The following NUMA1 variants were observed in gnomAD, a reference collection of about 807,000 sequenced individuals.
The protein encoded by NUMA1 is nuclear mitotic apparatus protein 1.
NUMA1 carries 62 observed loss-of-function variants against 237.1 expected under a neutral mutation model. The ratio of observed to expected loss-of-function variants is 0.26; its 90% CI spans 0.21 to 0.32. The LOEUF is 0.32. Among genes scored for constraint, NUMA1 ranks in the 10% least tolerant of loss-of-function variants. NUMA1 has a pLI of 1.00. For missense variants in NUMA1, 2,533 were observed against 2,666.5 expected (o/e 0.95, Z 1.10); for synonymous variants, 1,028 against 1,066.1 (o/e 0.96, Z 0.70).
At chr11:72,077,333 C>A (rs1943755808) in intron 1 of NUMA1, among the ~76,000 whole-genome samples, 1 of 152,104 alleles carries the variant, frequency 6.6e-6, no homozygotes, top group South Asian at 2.1e-4. Flanking sequence ...GTACAGAACA[C>A]AAATGACAGC....
Position 72,005,217 on chromosome 11 carries a change from T to A in NUMA1, c.5829+16A>T, listed in dbSNP as rs555257995. ...GGCAGGGATGGGAGGCCCTGCACAG[T>A]GACCCCAGGCCTCACCCTGGACTCC... is the stretch of plus-strand genomic sequence containing the variant. On this transcript the variant is annotated intron_variant, in intron 23 of 26. Transcript: ENST00000393695. 6.4e-7 allele frequency: 1 copy of A among 1,574,518 alleles called. No homozygotes were observed. Among genetic ancestry groups the A allele is most frequent in the Non-Finnish European group, 8.6e-7 (1 of 1,163,042 alleles).
intron 3 of NUMA1, among the ~76,000 whole-genome samples, chr11:72,032,886 C>T (rs1009233313): frequency 1.3e-5 from 2 of 152,112 alleles, no homozygotes; most frequent in South Asian, 2.1e-4. Flanking sequence ...TTATAAATTA[C>T]TGAAAATTCA....
chr11:72,079,166 A>T (rs529387822), intron 1 of NUMA1, among the ~76,000 whole-genome samples: 3 of 152,356 alleles, frequency 2.0e-5, no homozygotes, highest in Non-Finnish European at 4.4e-5. Context: ...ACATGTCGCA[A>T]ATCCTGCCTA....
chr11:72,067,686 C>T (rs1254563686), intron 2 of NUMA1: 5 of 152,238 alleles, frequency 3.3e-5, no homozygotes, highest in Non-Finnish European at 5.9e-5. Flanking sequence ...CATTTCCCTA[C>T]CTCAAACCTT....
intron 2 of NUMA1, among the ~76,000 whole-genome samples, chr11:72,048,966 C>A (rs1942158810): frequency 6.6e-6 from 1 of 152,090 alleles, no homozygotes; most frequent in African/African-American, 2.4e-5. Context: ...AGGATAATGG[C>A]TGATTAATGA....
At chr11:72,060,665 C>A (rs561820639) in intron 2 of NUMA1, among the ~76,000 whole-genome samples, 1 of 151,444 alleles carries the variant, frequency 6.6e-6, no homozygotes, top group East Asian at 1.9e-4. Flanking sequence ...CGCACACACA[C>A]AAAAAAAACA....
At chr11:72,035,788 T>G (rs1287388990) in intron 3 of NUMA1, 114 bp downstream of exon 3, 1 of 925,926 alleles carries the variant, frequency 1.1e-6, no homozygotes, top group African/African-American at 1.6e-5. Context: ...GGAAAACTAT[T>G]TAGTCTAGAA....
At chr11:72,068,898 C>T (rs1247920348) in intron 2 of NUMA1, among the ~76,000 whole-genome samples, 1 of 152,162 alleles carries the variant, frequency 6.6e-6, no homozygotes, top group Non-Finnish European at 1.5e-5. Context: ...ACACCTCATC[C>T]TTCACCAAAA....
chr11:72,003,794 G>A (rs888672886), intron 26 of NUMA1, 93 bp downstream of exon 26: 14 of 1,329,688 alleles, frequency 1.1e-5, no homozygotes, highest in East Asian at 4.9e-5. Flanking sequence ...GCAGCCTGGC[G>A]TGGCCCCATC....
At chr11:72,069,721 T>C (rs1319376923) in intron 2 of NUMA1, 121 bp downstream of exon 2, 1 of 152,148 alleles carries the variant, frequency 6.6e-6, no homozygotes, top group Non-Finnish European at 1.5e-5. Flanking sequence ...CCTCAAATAA[T>C]TGAAAGACAA....
Position 72,018,240 on chromosome 11 carries a change from G to C in NUMA1, c.921C>G (p.Ser307Arg), listed in dbSNP as rs1938173757. 6.2e-7 allele frequency: 1 copy of C among 1,614,218 alleles called. No homozygotes were observed. Among genetic ancestry groups the C allele is most frequent in the African/African-American group, 1.3e-5 (1 of 75,064 alleles). The change falls in exon 12 of 27, where the codon AGC becomes AGG. Residue 307 changes from serine (S) to arginine (R), a missense_variant. Physicochemically the swap from Ser to Arg is moderately radical, Grantham distance 110. This residue lies in a region of NUMA1 where 1,414 missense variants were observed against 1,508.1 expected (regional missense o/e 0.94). Transcript: ENST00000393695. ...KQCQDLKTEK[S>R]QMDRKINQLS... The stretch of plus-strand genomic sequence containing the variant: ...GCTGGTTGATTTTGCGATCCATCTG[G>C]CTCTTCTCTGTCTTCAGGTCCTGGC...
rs753008028 is a variant in NUMA1, at chr11:72,018,532, G to C, written c.743-19C>G. ...TGTGCATCTGCCCAGAGTGGAGGGA[G>C]GAGGAGAGGAGAATCAGAACTATGT... is the stretch of plus-strand genomic sequence containing the variant. On this transcript the variant is annotated intron_variant, in intron 10 of 26. Transcript: ENST00000393695. The C allele has an allele frequency of 6.3e-7, 1 of 1,593,310 alleles. No homozygotes were observed. The highest frequency in any genetic ancestry group is 8.6e-7 in the Non-Finnish European group (1 of 1,161,216).
chr11:72,034,463 C>A (rs1318794633), intron 3 of NUMA1, among the ~76,000 whole-genome samples: 1 of 151,750 alleles, frequency 6.6e-6, no homozygotes, highest in African/African-American at 2.4e-5. Context: ...AATCCCAGCA[C>A]TTTGGGAGGT....
intron 2 of NUMA1, among the ~76,000 whole-genome samples, chr11:72,045,640 G>A (rs1009636870): frequency 6.6e-6 from 1 of 152,012 alleles, no homozygotes; most frequent in African/African-American, 2.4e-5. Context: ...CACCACGCCT[G>A]ACTAATTTTT....
At chr11:72,022,580 CTTT>C (rs10716998) in intron 6 of NUMA1, among the ~76,000 whole-genome samples, 161 bp from the exon 7 acceptor site, 42 of 139,136 alleles carry the variant, frequency 3.0e-4, no homozygotes, top group Non-Finnish European at 3.3e-4. Context: ...CCAGGAAACA[CTTT>C]TTTTTTTTTT....
intron 2 of NUMA1, among the ~76,000 whole-genome samples, chr11:72,061,187 T>G (rs1205562293): frequency 1.3e-5 from 2 of 152,190 alleles, no homozygotes; most frequent in Non-Finnish European, 2.9e-5. Context: ...CAGTGAGCTA[T>G]GATCACACCA....
In NUMA1 at chr11:72,016,051, C is replaced by T. The variant is rs1236075184; in HGVS notation, c.1452G>A (p.Glu484=). The T allele has an allele frequency of 6.2e-7, 1 of 1,614,152 alleles. No individual in the cohort carries two copies. The highest frequency in any genetic ancestry group is 8.5e-7 in the Non-Finnish European group (1 of 1,180,040). ...SISNLSQAKE[E]LEQASQAHGA... ...CATGAGCCTGGGAGGCCTGCTCCAGCTCTTCCTTGGCCTGGCTGAGGTTGG... is the reference window on the plus strand; with the variant it reads ...CATGAGCCTGGGAGGCCTGCTCCAGTTCTTCCTTGGCCTGGCTGAGGTTGG... The change falls in exon 15 of 27, where the codon GAG becomes GAA. Residue 484 remains glutamate (E), a synonymous_variant. Transcript: ENST00000393695.
chr11:72,053,913 A>C (rs1942499004), intron 2 of NUMA1, among the ~76,000 whole-genome samples: 1 of 152,174 alleles, frequency 6.6e-6, no homozygotes, highest in South Asian at 2.1e-4. Context: ...TTTACATTGC[A>C]TTATATAAGT....
At chr11:72,022,950 C>T (rs1939090881) in intron 6 of NUMA1, 115 bp downstream of exon 6, 3 of 731,256 alleles carry the variant, frequency 4.1e-6, no homozygotes, top group Non-Finnish European at 4.8e-6. Flanking sequence ...TACTAGAGCC[C>T]CAGAAATAAA....
Sources: gnomAD v4.1 joint callset for allele counts (sites outside exome capture counted in the v4.1 genomes callset) on GRCh38, gnomAD v4.1.1 for gene constraint, gnomAD v4.1.1 regional missense constraint, MANE v1.5 for transcripts, NCBI Gene and HGNC (gene_info 2026-07-23, HGNC 2026-07-21) for gene names.